The following ZNF385D variants were observed in gnomAD, a reference collection of about 807,000 sequenced individuals.
The protein encoded by ZNF385D is zinc finger protein 659.
A neutral mutation model predicts 35.8 loss-of-function variants in ZNF385D; 15 were observed. The observed-to-expected ratio is 0.42, with a 90% CI of 0.28 to 0.64. ZNF385D has a LOEUF of 0.64. ZNF385D is among the 30% of genes least tolerant of loss of function. The pLI, the probability that ZNF385D is intolerant of heterozygous loss-of-function variation, is 0.23. For synonymous variants in ZNF385D, 212 were observed against 186.8 expected, an observed-to-expected ratio of 1.13 and a Z score of -1.10; for missense variants, 474 against 494.6, an observed-to-expected ratio of 0.96 and a Z score of 0.39.
chr3:22,155,568 C>A (rs1576415035), intron 3 of ZNF385D, among the ~76,000 whole-genome samples: 2 of 152,022 alleles, frequency 1.3e-5, no homozygotes, highest in South Asian at 4.1e-4. Context: ...GGATTATGAT[C>A]ATAAATTACT....
chr3:21,996,815 G>A lies in ZNF385D; in HGVS notation c.325+172002C>T, dbSNP rs564386921. Among the ~76,000 whole-genome samples the A allele has an allele frequency of 7.9e-5, 12 of 152,218 alleles. No individual in the cohort carries two copies. In the East Asian group the frequency reaches 2.3e-3, roughly 29 times the overall value. On this transcript the variant is annotated intron_variant, in intron 3 of 5. Transcript: ENST00000494108. Reference sequence around the variant, plus strand: ...GTCTATTCCATCAAAGGGTAAGGAGGATTAGCACATTCATTCATATTTCTA... The same window carrying A: ...GTCTATTCCATCAAAGGGTAAGGAGAATTAGCACATTCATTCATATTTCTA...
intron 3 of ZNF385D, among the ~76,000 whole-genome samples, chr3:21,787,944 CAAAAAAAAAAAAAAAAAAAAAA>C (rs560982379): frequency 6.6e-5 from 5 of 75,380 alleles, no homozygotes; most frequent in African/African-American, 1.7e-4. Flanking sequence ...TTCGTCTCAA[CAAAAAAAAAAAAAAAAAAAAAA>C]AAAAAAAAAA....
At chr3:21,594,157 T>C (rs546511962) in intron 2 of ZNF385D, among the ~76,000 whole-genome samples, 2 of 152,316 alleles carry the variant, frequency 1.3e-5, no homozygotes, top group Admixed American at 6.5e-5. Context: ...TAAAAGTTGT[T>C]CTTTTATCAA....
intron 3 of ZNF385D, among the ~76,000 whole-genome samples, chr3:21,852,275 C>T (rs756318200): frequency 6.6e-6 from 1 of 151,788 alleles, no homozygotes; most frequent in African/African-American, 2.4e-5. Context: ...GAATAAGATT[C>T]CTTATTCCTT....
intron 3 of ZNF385D, among the ~76,000 whole-genome samples, chr3:21,876,552 C>A (rs921368450): frequency 6.6e-6 from 1 of 151,828 alleles, no homozygotes; most frequent in African/African-American, 2.4e-5. Context: ...AATCAACTGA[C>A]ATTTATTACG....
intron 4 of ZNF385D, among the ~76,000 whole-genome samples, chr3:21,491,762 C>A (rs1001102060): frequency 6.6e-5 from 10 of 152,148 alleles, no homozygotes; most frequent in Non-Finnish European, 8.8e-5. Flanking sequence ...AAAATACTTA[C>A]TACATGATCC....
chr3:22,217,934 C>G (rs767164109), intron 2 of ZNF385D, among the ~76,000 whole-genome samples: 2 of 152,102 alleles, frequency 1.3e-5, no homozygotes, highest in Non-Finnish European at 2.9e-5. Context: ...TCCAATTGGT[C>G]ACTCCCTCTC....
intron 3 of ZNF385D, among the ~76,000 whole-genome samples, chr3:22,135,372 CAAT>C (rs1704043834): frequency 6.6e-6 from 1 of 151,794 alleles, no homozygotes; most frequent in Non-Finnish European, 1.5e-5. Flanking sequence ...TGTATACAAG[CAAT>C]AATAATTGAA....
At chr3:22,011,699 C>T (rs1696585023) in intron 3 of ZNF385D, among the ~76,000 whole-genome samples, 1 of 151,948 alleles carries the variant, frequency 6.6e-6, no homozygotes, top group African/African-American at 2.4e-5. Flanking sequence ...ATGTAACAAT[C>T]ATTTAATATT....
chr3:21,433,171 G>C (rs1444393414), intron 5 of ZNF385D, among the ~76,000 whole-genome samples: 1 of 152,098 alleles, frequency 6.6e-6, no homozygotes, highest in Non-Finnish European at 1.5e-5. Flanking sequence ...AGTCCATTCT[G>C]CTGTCCTATA....
intron 3 of ZNF385D, among the ~76,000 whole-genome samples, chr3:21,910,499 T>C (rs985504135): frequency 1.1e-4 from 17 of 151,970 alleles, no homozygotes; most frequent in African/African-American, 4.1e-4. Context: ...ACAGTAGAAT[T>C]TACTACTTTC....
intron 1 of ZNF385D, among the ~76,000 whole-genome samples, chr3:21,702,951 C>G (rs1260136814): frequency 6.6e-6 from 1 of 152,192 alleles, no homozygotes; most frequent in Non-Finnish European, 1.5e-5. Context: ...AAGTTCCAAA[C>G]TTTCCTACTT....
At chr3:21,732,240 C>T (rs567953728) in intron 1 of ZNF385D, among the ~76,000 whole-genome samples, 19 of 151,534 alleles carry the variant, frequency 1.3e-4, no homozygotes, top group South Asian at 6.3e-4. Flanking sequence ...TTAGTAGACA[C>T]GGGGTTTCAC....
chr3:21,786,965 G>C (rs1191848262), intron 3 of ZNF385D, among the ~76,000 whole-genome samples: 2 of 152,146 alleles, frequency 1.3e-5, no homozygotes, highest in Admixed American at 6.5e-5. Context: ...TAAGAAAATA[G>C]TGTGAATTGA....
intron 4 of ZNF385D, among the ~76,000 whole-genome samples, chr3:21,493,875 CTCTAATCTCTT>C (rs1705618815): frequency 6.6e-6 from 1 of 152,164 alleles, no homozygotes; most frequent in South Asian, 2.1e-4. Flanking sequence ...TCCTGCAAAA[CTCTAATCTCTT>C]TCAATGTAGG....
At chr3:21,629,025 T>C (rs1356645975) in intron 2 of ZNF385D, among the ~76,000 whole-genome samples, 1 of 152,008 alleles carries the variant, frequency 6.6e-6, no homozygotes, top group Non-Finnish European at 1.5e-5. Flanking sequence ...TGGCAACCAA[T>C]ACTGACCATT....
intron 2 of ZNF385D, among the ~76,000 whole-genome samples, chr3:22,270,384 A>T (rs9822772): frequency 7.9e-5 from 12 of 151,930 alleles, no homozygotes; most frequent in African/African-American, 2.9e-4. Context: ...ATAATAGAGA[A>T]GCCTGTCTGT....
chr3:22,303,903 A>G (rs1703059337), intron 2 of ZNF385D, among the ~76,000 whole-genome samples: 1 of 152,044 alleles, frequency 6.6e-6, no homozygotes, highest in African/African-American at 2.4e-5. Flanking sequence ...TCAGCCTCCC[A>G]AGCAGTTGGG....
chr3:22,127,345 TTTTTTTTTTTTTG>T (rs1490365010), intron 3 of ZNF385D, among the ~76,000 whole-genome samples: 6 of 80,096 alleles, frequency 7.5e-5, no homozygotes, highest in African/African-American at 2.3e-4. Flanking sequence ...TTTTTTTTTT[TTTTTTTTTTTTTG>T]AGACAGAGTC....
Sources: gnomAD v4.1 joint callset for allele counts (sites outside exome capture counted in the v4.1 genomes callset) on GRCh38, gnomAD v4.1.1 for gene constraint, MANE v1.5 for transcripts, NCBI Gene and HGNC (gene_info 2026-07-23, HGNC 2026-07-21) for gene names.